Variants in UNC79 observed in about 807,000 individuals in gnomAD.
The protein encoded by UNC79 is protein unc-79 homolog.
Under a neutral mutation model 283.1 loss-of-function variants are expected in UNC79, and 37 were observed. That is an observed-to-expected ratio of 0.13 (90% CI 0.10 to 0.17). The LOEUF (loss-of-function observed/expected upper bound fraction) is 0.17. Among genes scored for constraint, UNC79 ranks in the 10% least tolerant of loss-of-function variants. The pLI is 1.00. For synonymous variants in UNC79, 1,107 were observed against 1,200.2 expected (o/e 0.92, Z 1.61); for missense variants, 2,272 against 3,211.1 (o/e 0.71, Z 7.07).
At chr14:93,702,160 T>A (rs10147823) in intron 47 of UNC79, among the ~76,000 whole-genome samples, 107,414 of 152,022 alleles carry the variant, frequency 0.71, 38,498 homozygotes, top group African/African-American at 0.79. Flanking sequence ...CTAGATAAAT[T>A]TTTTTTTTCC....
intron 14 of UNC79, among the ~76,000 whole-genome samples, chr14:93,563,532 G>A (rs976777520): frequency 1.3e-5 from 2 of 152,208 alleles, no homozygotes; most frequent in Non-Finnish European, 2.9e-5. Context: ...CCTGAGTTAA[G>A]GCAGTGAGTT....
intron 30 of UNC79, among the ~76,000 whole-genome samples, chr14:93,626,396 C>G (rs1241176389): frequency 1.3e-5 from 2 of 152,152 alleles, no homozygotes; most frequent in Admixed American, 1.3e-4. Flanking sequence ...GATTCTATCT[C>G]TCTCGCTTAC....
intron 14 of UNC79, among the ~76,000 whole-genome samples, chr14:93,564,834 A>G (rs1183120327): frequency 6.6e-6 from 1 of 152,194 alleles, no homozygotes; most frequent in African/African-American, 2.4e-5. Flanking sequence ...GGAATTTCAC[A>G]AGGTAATGTC....
At chr14:93,622,162 C>T (rs1163629494) in exon 30 of UNC79, 1 of 1,614,088 alleles carries the variant, frequency 6.2e-7, no homozygotes, top group Admixed American at 1.7e-5. Context: ...TCAGAATAGT[C>T]GAGAGTGACG....
In UNC79 at chr14:93,690,301, A is replaced by C; in HGVS notation, c.7270A>C (p.Lys2424Gln). ...CCTGATTGGATTTCCAGAGCAATCA[A>C]AGGTAAGTGATTTCTGCAAGATTAA... is the stretch of plus-strand genomic sequence containing the variant. The change falls in exon 45 of 49, where the codon AAG becomes CAG. Residue 2424 changes from lysine to glutamine, a missense_variant and splice_region_variant. By Grantham distance (53) the Lys-to-Gln change is moderately conservative. Transcript: ENST00000555664. The surrounding 1 kb of genome is among the most constrained non-coding windows in gnomAD (Gnocchi z 4.3). 7.4e-6 allele frequency: 12 copies of C among 1,612,986 alleles called. No individual in the cohort carries two copies. The highest frequency in any genetic ancestry group is 1.0e-5 in the Non-Finnish European group (12 of 1,179,398).
At chr14:93,386,362 A>AT (rs1484324088) in intron 1 of UNC79, among the ~76,000 whole-genome samples, 1 of 152,068 alleles carries the variant, frequency 6.6e-6, no homozygotes, top group Admixed American at 6.6e-5. Context: ...GTGCTGTTGA[A>AT]TTTGGTTTGC....
At chr14:93,579,715 C>G (rs992439937) in intron 18 of UNC79, among the ~76,000 whole-genome samples, 1 of 152,180 alleles carries the variant, frequency 6.6e-6, no homozygotes, top group Admixed American at 6.5e-5. Flanking sequence ...CCAGGCTCAT[C>G]TTATATTTTC....
chr14:93,532,303 C>CA (rs5810632), intron 10 of UNC79, among the ~76,000 whole-genome samples: 104,816 of 127,556 alleles, frequency 0.82, 43,015 homozygotes, highest in East Asian at 0.9. Context: ...CCCATGTCTA[C>CA]AAAAAAAAAA....
intron 1 of UNC79, among the ~76,000 whole-genome samples, chr14:93,390,879 T>C (rs2054869497): frequency 6.6e-6 from 1 of 152,226 alleles, no homozygotes; most frequent in Non-Finnish European, 1.5e-5. Context: ...TCAAATTATC[T>C]CCTCAATTTA....
intron 27 of UNC79, among the ~76,000 whole-genome samples, chr14:93,616,366 CTTTT>C (rs71463917): frequency 2.1e-4 from 20 of 96,230 alleles, no homozygotes; most frequent in African/African-American, 6.8e-4. Flanking sequence ...TTCTTTTTTC[CTTTT>C]TTTTTTTTTT....
chr14:93,655,469 A>T (rs2070815184), intron 38 of UNC79, 62 bp downstream of exon 41: 1 of 1,577,256 alleles, frequency 6.3e-7, no homozygotes, highest in Admixed American at 1.7e-5. Flanking sequence ...CCGTTTATTT[A>T]CAAGCAGCAG....
intron 47 of UNC79, among the ~76,000 whole-genome samples, chr14:93,703,879 G>A (rs73330451): frequency 3.2e-3 from 485 of 152,250 alleles, no homozygotes; most frequent in Middle Eastern, 0.01. Context: ...TTCTGTCTCC[G>A]ACTTCTGGAT....
At chr14:93,655,130 G>T in intron 37 of UNC79, 104 bp from the exon 41 acceptor site, 1 of 1,347,296 alleles carries the variant, frequency 7.4e-7, no homozygotes, top group South Asian at 1.4e-5. Context: ...CACTGAACAC[G>T]TTTATAGCCT....
At chr14:93,409,415 G>T (rs1289166628) in intron 1 of UNC79, among the ~76,000 whole-genome samples, 3 of 152,152 alleles carry the variant, frequency 2.0e-5, no homozygotes, top group Non-Finnish European at 2.9e-5. Flanking sequence ...GTATAGCCAG[G>T]TGCAGTGGCT....
intron 1 of UNC79, among the ~76,000 whole-genome samples, chr14:93,436,481 A>G (rs1408571395): frequency 2.0e-5 from 3 of 151,548 alleles, no homozygotes; most frequent in South Asian, 4.2e-4. Flanking sequence ...CACACAGCCA[A>G]CTGTTTTTTT....
At chr14:93,478,246 G>A (rs2057916217) in intron 4 of UNC79, among the ~76,000 whole-genome samples, 1 of 152,110 alleles carries the variant, frequency 6.6e-6, no homozygotes. Flanking sequence ...ATGATAAAGT[G>A]ACTCGAAATT....
At chr14:93,435,139 C>G (rs1168491888) in intron 1 of UNC79, among the ~76,000 whole-genome samples, 1 of 152,118 alleles carries the variant, frequency 6.6e-6, no homozygotes, top group African/African-American at 2.4e-5. Flanking sequence ...CAGTTGTAGT[C>G]ATTTAGAAAT....
At position 93,410,081 on chromosome 14, in the gene UNC79, A is replaced by G. The variant is rs1404901697; in HGVS notation, c.-350-57590A>G. 3.9e-5 allele frequency among the ~76,000 whole-genome samples: 6 copies of G among 152,248 alleles called. No homozygotes were observed. In the South Asian group the frequency reaches 1.0e-3, roughly 26 times the overall value. On this transcript the variant is annotated intron_variant, in intron 1 of 49. Transcript: ENST00000256339. ...AGAGGCTAGAAAAGAGTTTTGAATC[A>G]CTGACACCACCCTTCCTCCCTCACC...
chr14:93,351,862 TA>T (rs1389737570), intron 1 of UNC79, among the ~76,000 whole-genome samples: 1 of 152,200 alleles, frequency 6.6e-6, no homozygotes, highest in Non-Finnish European at 1.5e-5. Flanking sequence ...GGCCAGTCTT[TA>T]AAGCCTCCGA....
Sources: gnomAD v4.1 joint callset for allele counts (sites outside exome capture counted in the v4.1 genomes callset) on GRCh38, gnomAD v4.1.1 for gene constraint, Gnocchi (gnomAD v3.1) non-coding constraint, MANE v1.5 for transcripts, NCBI Gene and HGNC (gene_info 2026-07-23, HGNC 2026-07-21) for gene names.